Variants in ACSM2A observed in about 807,000 individuals in gnomAD.
The protein encoded by ACSM2A is acyl-coenzyme A synthetase ACSM2A, mitochondrial.
In ACSM2A, 72 loss-of-function variants were observed where a neutral mutation model predicts 76.6. That is an observed-to-expected ratio of 0.94 (90% CI 0.78 to 1.14). The LOEUF is 1.14. ACSM2A is among the 50% of genes most tolerant of loss of function. The pLI is 0.00. For synonymous variants in ACSM2A, 249 were observed against 255.9 expected, an observed-to-expected ratio of 0.97 and a Z score of 0.26; for missense variants, 684 against 708.5, an observed-to-expected ratio of 0.97 and a Z score of 0.39.
At chr16:20,482,399 G>C (rs1487088972) in intron 12 of ACSM2A, 1 of 152,124 alleles carries the variant, frequency 6.6e-6, no homozygotes, top group Non-Finnish European at 1.5e-5. Context: ...ATAAAGCCAG[G>C]CTTATAGAAA....
rs1196691925 is a variant in ACSM2A at position 20,480,862 on chromosome 16, G to A, written c.1450G>A (p.Glu484Lys). Residue 484 changes from glutamate (E) to lysine (K), a missense_variant, in exon 12 of 14, where the codon GAG (glutamate) becomes AAG (lysine). This residue lies in a region of ACSM2A where 159 missense variants were observed against 132.5 expected (regional missense o/e 1.20). Coordinates refer to ENST00000573854, the MANE Select transcript of ACSM2A (RefSeq NM_001308172.2). ...GPSEVENALM[E>K]HPAVVETAVI... is the part of the protein sequence containing the mutation. ...CTCGGAGGTAGAGAATGCACTGATGGAGCACCCTGCTGTGGTTGAGACGGC... is the reference window on the plus strand; with the variant it reads ...CTCGGAGGTAGAGAATGCACTGATGAAGCACCCTGCTGTGGTTGAGACGGC... The A allele has an allele frequency of 1.9e-4, 305 of 1,612,016 alleles. 2 individuals are homozygous for A. The African/African-American group carries it at 2.4e-3, about 13-fold the overall frequency.
intron 6 of ACSM2A, 131 bp from the exon 7 acceptor site, chr16:20,475,231 A>G (rs1390293062): frequency 6.4e-7 from 1 of 1,555,080 alleles, no homozygotes; most frequent in African/African-American, 1.4e-5. Flanking sequence ...CCTGAATCAG[A>G]CATAGTAAAC....
Position 20,460,633 on chromosome 16 carries a change from A to T in ACSM2A, c.177+342A>T, listed in dbSNP as rs530950938. 2.9e-4 allele frequency among the ~76,000 whole-genome samples: 43 copies of T among 150,480 alleles called. 2 individuals carry two copies. In the South Asian group the frequency reaches 9.1e-3, roughly 32 times the overall value. On this transcript the variant is annotated intron_variant, in intron 2 of 13. Coordinates refer to ENST00000573854, the MANE Select transcript of ACSM2A (RefSeq NM_001308172.2). ...CGTAGAAGAGGCGGGTTTGAATCTA[A>T]TAATAGCAAATCAAGCCTGGGCAAC...
At chr16:20,464,756 A>G (rs1432794346) in intron 2 of ACSM2A, among the ~76,000 whole-genome samples, 1 of 152,150 alleles carries the variant, frequency 6.6e-6, no homozygotes, top group Non-Finnish European at 1.5e-5. Flanking sequence ...GTCGGAAAGT[A>G]GAATGGTGTT....
Position 20,487,315 on chromosome 16 carries a change from T to C in ACSM2A, c.*637T>C, listed in dbSNP as rs2014429306. 1 of 152,058 alleles carries C rather than the reference T, an allele frequency of 6.6e-6. No homozygotes were observed. Among genetic ancestry groups the C allele is most frequent in the South Asian group, 2.1e-4 (1 of 4,806 alleles). The allele number at this position is 152,058 out of a possible 1,614,324, so 9.4% of individuals were successfully genotyped here. Reference sequence around the variant, plus strand: ...ACAAAGTCAAGCATAAAACTGGAGCTTGAGAAGGAAATGAAAGGCCGTGGC... The same window carrying C: ...ACAAAGTCAAGCATAAAACTGGAGCCTGAGAAGGAAATGAAAGGCCGTGGC... On this transcript the variant is annotated 3_prime_UTR_variant, in exon 14 of 14. Coordinates refer to ENST00000573854, the MANE Select transcript of ACSM2A (RefSeq NM_001308172.2).
chr16:20,471,962 G>A (rs573879277), intron 6 of ACSM2A, among the ~76,000 whole-genome samples: 12 of 152,252 alleles, frequency 7.9e-5, no homozygotes, highest in South Asian at 6.2e-4. Context: ...GGGCTCTTCC[G>A]CTGGTGTCAC....
At chr16:20,481,109 A>T in intron 12 of ACSM2A, 188 bp downstream of exon 12, 1 of 698,332 alleles carries the variant, frequency 1.4e-6, no homozygotes, top group Non-Finnish European at 2.4e-6. Context: ...CATCTGTAAG[A>T]TGAGGGATTG....
chr16:20,458,933 CAT>C (rs1213129201), intron 1 of ACSM2A, among the ~76,000 whole-genome samples: 6 of 34,206 alleles, frequency 1.8e-4, no homozygotes, highest in African/African-American at 3.7e-4. Flanking sequence ...TATATATATA[CAT>C]ATATATATAT....
At chr16:20,486,513 G>A (rs1252392030) in intron 13 of ACSM2A, 61 bp from the exon 14 acceptor site, 1 of 1,592,714 alleles carries the variant, frequency 6.3e-7, no homozygotes, top group African/African-American at 1.3e-5. Context: ...CAGCAGTTCT[G>A]AAAAATGCAA....
intron 1 of ACSM2A, among the ~76,000 whole-genome samples, chr16:20,459,241 A>C (rs559202091): frequency 6.6e-6 from 1 of 152,206 alleles, no homozygotes; most frequent in African/African-American, 2.4e-5. Context: ...TGATGGGTGC[A>C]CAACAATGTC....
At position 20,460,096 on chromosome 16, in the gene ACSM2A, T is replaced by C. The variant is rs1299973182; in HGVS notation, c.-8-11T>C. 1 of 1,598,300 alleles carries C rather than the reference T, an allele frequency of 6.3e-7. No homozygotes were observed. Among genetic ancestry groups the C allele is most frequent in the Middle Eastern group, 1.7e-4 (1 of 5,944 alleles). ...AGAAGCTCTCACCTGTGTCTCTTCTTTCTTTTACAGGCCTGAATATGCATT... is the reference window on the plus strand; with the variant it reads ...AGAAGCTCTCACCTGTGTCTCTTCTCTCTTTTACAGGCCTGAATATGCATT... On this transcript the variant is annotated splice_polypyrimidine_tract_variant and intron_variant, in intron 1 of 13. Coordinates refer to ENST00000573854, the MANE Select transcript of ACSM2A (RefSeq NM_001308172.2).
intron 6 of ACSM2A, chr16:20,474,027 C>G: frequency 2.2e-6 from 1 of 448,108 alleles, no homozygotes; most frequent in Non-Finnish European, 4.5e-6. Flanking sequence ...GAAGCCCCCG[C>G]TTCAAGTTGC....
chr16:20,459,579 T>G (rs989522775), intron 1 of ACSM2A, among the ~76,000 whole-genome samples: 10 of 152,196 alleles, frequency 6.6e-5, no homozygotes, highest in African/African-American at 1.2e-4. Flanking sequence ...ATCTGGGTTA[T>G]GCAAGTCTCA....
chr16:20,459,003 G>C (rs2012436755), intron 1 of ACSM2A, among the ~76,000 whole-genome samples: 1 of 139,212 alleles, frequency 7.2e-6, no homozygotes, highest in South Asian at 2.3e-4. Context: ...CAGCAACCTG[G>C]ATGGGATTGG....
At chr16:20,458,870 T>C (rs1457878269) in intron 1 of ACSM2A, among the ~76,000 whole-genome samples, 2 of 135,154 alleles carry the variant, frequency 1.5e-5, no homozygotes, top group African/African-American at 2.7e-5. Flanking sequence ...GTATATACTA[T>C]ATAATACATA....
intron 1 of ACSM2A, among the ~76,000 whole-genome samples, chr16:20,457,088 C>A (rs1317985772): frequency 6.6e-6 from 1 of 151,920 alleles, no homozygotes; most frequent in Non-Finnish European, 1.5e-5. Context: ...ATACAACCCT[C>A]CTAGCTTAAG....
intron 2 of ACSM2A, among the ~76,000 whole-genome samples, chr16:20,464,970 G>A (rs546230849): frequency 6.6e-6 from 1 of 151,224 alleles, no homozygotes; most frequent in Non-Finnish European, 1.5e-5. Flanking sequence ...ATTAAAAAAA[G>A]TAAATAGATA....
intron 6 of ACSM2A, among the ~76,000 whole-genome samples, chr16:20,473,768 T>C (rs1175641564): frequency 6.6e-6 from 1 of 151,896 alleles, no homozygotes; most frequent in Non-Finnish European, 1.5e-5. Flanking sequence ...GAAGTGGGAG[T>C]GGGACATGCC....
chr16:20,475,211 G>T lies in ACSM2A; in HGVS notation c.895-151G>T. The T allele has an allele frequency of 2.0e-6, 3 of 1,511,794 alleles. No individual in the cohort carries two copies. The South Asian group carries it at 3.8e-5, about 19-fold the overall frequency. 93.6% of individuals were successfully genotyped at this position (1,511,794 alleles called of 1,614,324 possible). A position where few individuals can be genotyped will look rare whatever the true frequency, so the allele number is the denominator to read the frequency against. On this transcript the variant is annotated intron_variant, in intron 6 of 13. Coordinates refer to ENST00000573854, the MANE Select transcript of ACSM2A (RefSeq NM_001308172.2). ...CTTCAGGGTGCATGAGAGTTGTGGG[G>T]CTCATTTAACCTGAATCAGACATAG...
Sources: gnomAD v4.1 joint callset for allele counts (sites outside exome capture counted in the v4.1 genomes callset) on GRCh38, gnomAD v4.1.1 for gene constraint, gnomAD v4.1.1 regional missense constraint, MANE v1.5 for transcripts, NCBI Gene and HGNC (gene_info 2026-07-23, HGNC 2026-07-21) for gene names.